COL4A5: variants seen among roughly 807,000 people sequenced by gnomAD.
COL4A5 encodes the protein collagen alpha-5(IV) chain.
Under a neutral mutation model 130.2 loss-of-function variants are expected in COL4A5, and 26 were observed. That is an observed-to-expected ratio of 0.20 (90% CI 0.15 to 0.28). The LOEUF (loss-of-function observed/expected upper bound fraction) is 0.28, where lower values mean the gene tolerates loss of function less well. Ranked by LOEUF, COL4A5 falls within the 10% of genes least tolerant of loss-of-function variation. The probability of loss-of-function intolerance (pLI) is 1.00; values close to 1 mark genes in which losing one functional copy is unlikely to be tolerated. For synonymous variants in COL4A5, 496 were observed against 439.6 expected, an observed-to-expected ratio of 1.13 and a Z score of -1.60; for missense variants, 1,131 against 1,344.3, an observed-to-expected ratio of 0.84 and a Z score of 2.48.
In COL4A5 at chrX:108,601,376, T is replaced by A; in HGVS notation, c.1949-17T>A. On this transcript the variant is annotated splice_polypyrimidine_tract_variant and intron_variant, in intron 25 of 52. Transcript: ENST00000328300. ...GTAAATACTTCTCATTTACCATTGA[T>A]TTACTCTTGCTTTCAGGTCCTAAAG... 1 of 1,145,371 alleles carries A rather than the reference T, an allele frequency of 8.7e-7. No individual in the cohort carries two copies. The highest frequency in any genetic ancestry group is 2.2e-5 in the Admixed American group (1 of 45,784). The allele number at this position is 1,145,371 out of a possible 1,213,427, so 94.4% of individuals were successfully genotyped here. A position where few individuals can be genotyped will look rare whatever the true frequency, so the allele number is the denominator to read the frequency against.
At chrX:108,554,098 G>A in intron 2 of COL4A5, among the ~76,000 whole-genome samples, 1 of 111,517 alleles carries the variant, frequency 9.0e-6, no homozygotes, top group Admixed American at 9.6e-5. Context: ...ATAGGCATAA[G>A]GAAGATATGG....
Position 108,695,316 on chromosome X carries a change from G to T in COL4A5, c.4871G>T (p.Gly1624Val). 8.3e-7 allele frequency: 1 copy of T among 1,211,493 alleles called. No homozygotes were observed. Among genetic ancestry groups the T allele is most frequent in the Non-Finnish European group, 1.1e-6 (1 of 895,394 alleles). Residue 1624 changes from glycine to valine, a missense_variant, in exon 52 of 53, where the codon GGT (glycine) becomes GTT (valine). Coordinates refer to ENST00000328300, the MANE Select transcript of COL4A5 (RefSeq NM_033380.3). ...EGSGQALASP[G>V]SCLEEFRSAP... ...TCAGGTCAAGCCCTAGCCTCCCCTG[G>T]TTCCTGCTTGGAAGAGTTTCGTTCA...
chrX:108,661,008 C>T (rs1338701763), intron 37 of COL4A5, among the ~76,000 whole-genome samples: 1 of 111,649 alleles, frequency 9.0e-6, no homozygotes, highest in Admixed American at 9.5e-5. Context: ...TACCATTGTG[C>T]TATAATTGCC....
chrX:108,663,568 G>T (rs1488100810), intron 37 of COL4A5, among the ~76,000 whole-genome samples: 2 of 110,662 alleles, frequency 1.8e-5, no homozygotes, highest in Admixed American at 9.7e-5. Flanking sequence ...CACACACTGT[G>T]GCCTGTGGAG....
Position 108,484,099 on chromosome X carries a change from T to C in COL4A5, c.81+43893T>C, listed in dbSNP as rs146948751. On this transcript the variant is annotated intron_variant, in intron 1 of 52. Transcript: ENST00000328300. ...CTTTGCTGATAGTTTTTTTGTTTTT[T>C]GCTGTGCAGAAGCTTTTTAATTTCA... Among the ~76,000 whole-genome samples the C allele has an allele frequency of 5.2e-3, 588 of 112,448 alleles. 3 individuals carry two copies. The highest frequency in any genetic ancestry group is 0.019 in the Middle Eastern group (4 of 215).
chrX:108,462,949 A>G (rs2064668049), intron 1 of COL4A5: 2 of 112,343 alleles, frequency 1.8e-5, no homozygotes, highest in Non-Finnish European at 3.8e-5. Flanking sequence ...CAAGTGGGTT[A>G]CAAACAGCTT....
At chrX:108,499,412 T>C (rs781379253) in intron 1 of COL4A5, among the ~76,000 whole-genome samples, 7 of 111,556 alleles carry the variant, frequency 6.3e-5, no homozygotes, top group Non-Finnish European at 1.3e-4. Context: ...TCTTGAGAGA[T>C]ATTTGTGTAT....
chrX:108,447,025 T>C (rs1007314042), intron 1 of COL4A5, among the ~76,000 whole-genome samples: 1 of 111,489 alleles, frequency 9.0e-6, no homozygotes, highest in Non-Finnish European at 1.9e-5. Flanking sequence ...TCTTCCCAGC[T>C]ATAACAGTGG....
At chrX:108,587,088 C>T (rs2147789061) in intron 19 of COL4A5, among the ~76,000 whole-genome samples, 1 of 111,439 alleles carries the variant, frequency 9.0e-6, no homozygotes, top group Admixed American at 9.6e-5. Context: ...ATATCCATTA[C>T]CTCAAGTATT....
intron 21 of COL4A5, among the ~76,000 whole-genome samples, chrX:108,592,659 C>G (rs1025274703): frequency 9.1e-6 from 1 of 110,448 alleles, no homozygotes; most frequent in East Asian, 2.8e-4. Flanking sequence ...AATGTCAGGT[C>G]TGTCCTTTTT....
At position 108,483,686 on chromosome X, in the gene COL4A5, A is replaced by C. The variant is rs764968614; in HGVS notation, c.81+43480A>C. On this transcript the variant is annotated intron_variant, in intron 1 of 52. Coordinates refer to ENST00000328300, the MANE Select transcript of COL4A5 (RefSeq NM_033380.3). Reference sequence around the variant, plus strand: ...GGTTGCTCTATCTTGTTTTTTGAGGATCCTCCAAACTGTTTTCCATAGTGG... The same window carrying C: ...GGTTGCTCTATCTTGTTTTTTGAGGCTCCTCCAAACTGTTTTCCATAGTGG... 1.8e-3 allele frequency among the ~76,000 whole-genome samples: 199 copies of C among 111,889 alleles called. 1 individual carries two copies. The highest frequency in any genetic ancestry group is 3.1e-3 in the Non-Finnish European group (164 of 53,170).
chrX:108,678,102 A>G (rs1161203507), intron 44 of COL4A5, among the ~76,000 whole-genome samples: 1 of 111,431 alleles, frequency 9.0e-6, no homozygotes, highest in Non-Finnish European at 1.9e-5. Flanking sequence ...TTCACCTATA[A>G]AAAGAGAATA....
intron 1 of COL4A5, among the ~76,000 whole-genome samples, chrX:108,458,961 C>CAG (rs1278781046): frequency 2.1e-5 from 2 of 93,409 alleles, no homozygotes; most frequent in South Asian, 5.3e-4. Context: ...GCCTGGGTGA[C>CAG]AGCGAGACTC....
intron 10 of COL4A5, among the ~76,000 whole-genome samples, chrX:108,576,668 CTCTA>C (rs1415988147): frequency 8.9e-6 from 1 of 112,268 alleles, no homozygotes; most frequent in Non-Finnish European, 1.9e-5. Context: ...TCATGTGCCA[CTCTA>C]TCTCTCATCT....
intron 1 of COL4A5, among the ~76,000 whole-genome samples, chrX:108,480,260 T>TATC (rs1055522233): frequency 1.6e-4 from 18 of 112,363 alleles, no homozygotes; most frequent in African/African-American, 5.8e-4. Flanking sequence ...TGCAGCAACT[T>TATC]ATCCTTCACC....
chrX:108,563,825 T>G, intron 3 of COL4A5, 57 bp from the exon 4 acceptor site: 45 of 968,007 alleles, frequency 4.6e-5, no homozygotes, highest in Non-Finnish European at 5.8e-5. Context: ...TAATTGAAAA[T>G]GAGTTATTTG....
At chrX:108,518,519 A>G (rs2065240078) in intron 1 of COL4A5, among the ~76,000 whole-genome samples, 1 of 111,055 alleles carries the variant, frequency 9.0e-6, no homozygotes, top group Admixed American at 9.6e-5. Flanking sequence ...GAGAAGCCTT[A>G]AACTCTGGCA....
intron 1 of COL4A5, among the ~76,000 whole-genome samples, chrX:108,506,563 C>T (rs1203646914): frequency 9.0e-6 from 1 of 111,124 alleles, no homozygotes; most frequent in Admixed American, 9.5e-5. Flanking sequence ...ACTTAGATTC[C>T]TCCCATGTGC....
Position 108,573,893 on chromosome X carries a change from G to C in COL4A5, c.546+239G>C, listed in dbSNP as rs183834467. Among the ~76,000 whole-genome samples the C allele has an allele frequency of 5.5e-4, 61 of 111,093 alleles. No homozygotes were observed. In the East Asian group the frequency reaches 0.016, roughly 29 times the overall value. On this transcript the variant is annotated intron_variant, in intron 9 of 52. Transcript: ENST00000328300. ...GTTTTGGGGATTGGCAGCAGAAATA[G>C]GGTTCTATATTCTTATTCTTGTACT...
Sources: gnomAD v4.1 joint callset for allele counts (sites outside exome capture counted in the v4.1 genomes callset) on GRCh38, gnomAD v4.1.1 for gene constraint, MANE v1.5 for transcripts, NCBI Gene and HGNC (gene_info 2026-07-23, HGNC 2026-07-21) for gene names.